AGBL1: variants seen among roughly 807,000 people sequenced by gnomAD.
AGBL1 encodes cytosolic carboxypeptidase 4.
Under a neutral mutation model 118.9 loss-of-function variants are expected in AGBL1, and 130 were observed. The observed-to-expected ratio is 1.09, with a 90% CI of 0.95 to 1.26. AGBL1 has a LOEUF of 1.26. Among genes scored for constraint, AGBL1 ranks in the 50% most tolerant of loss-of-function variants. The pLI, the probability that AGBL1 is intolerant of heterozygous loss-of-function variation, is 0.00. For missense variants in AGBL1, 1,584 were observed against 1,298.1 expected (o/e 1.22, Z -3.38); for synonymous variants, 555 against 478.9 (o/e 1.16, Z -2.08).
chr15:86,371,118 A>G (rs1460248503), intron 17 of AGBL1, among the ~76,000 whole-genome samples: 1 of 152,258 alleles, frequency 6.6e-6, no homozygotes, highest in Admixed American at 6.5e-5. Flanking sequence ...AGCACAGTCC[A>G]GTACAGACTT....
chr15:86,795,712 G>A (rs2078560598), intron 22 of AGBL1, among the ~76,000 whole-genome samples: 1 of 151,214 alleles, frequency 6.6e-6, no homozygotes, highest in South Asian at 2.1e-4. Context: ...AGCCTCCCGA[G>A]TAGCTGGGAA....
At chr15:86,320,976 T>C (rs2080096315) in intron 17 of AGBL1, among the ~76,000 whole-genome samples, 1 of 152,222 alleles carries the variant, frequency 6.6e-6, no homozygotes, top group Non-Finnish European at 1.5e-5. Context: ...TTATCTTTTT[T>C]ATACATTGCT....
At chr15:86,373,778 C>G (rs531931664) in intron 17 of AGBL1, among the ~76,000 whole-genome samples, 1 of 152,306 alleles carries the variant, frequency 6.6e-6, no homozygotes, top group African/African-American at 2.4e-5. Context: ...AGTTCTTGTG[C>G]TATTTACAAG....
At chr15:86,298,045 C>T (rs1329529517) in intron 17 of AGBL1, among the ~76,000 whole-genome samples, 3 of 151,426 alleles carry the variant, frequency 2.0e-5, no homozygotes, top group African/African-American at 7.3e-5. Flanking sequence ...CTTTCCTAAC[C>T]CAATGGAAGC....
At chr15:86,391,178 A>G (rs1432307071) in intron 17 of AGBL1, among the ~76,000 whole-genome samples, 1 of 152,130 alleles carries the variant, frequency 6.6e-6, no homozygotes, top group Non-Finnish European at 1.5e-5. Context: ...AAATTTATTG[A>G]CTTGTAACAT....
At chr15:87,013,554 T>C (rs1438591553) in intron 24 of AGBL1, among the ~76,000 whole-genome samples, 1 of 151,688 alleles carries the variant, frequency 6.6e-6, no homozygotes, top group Non-Finnish European at 1.5e-5. Context: ...TTTACAAGAC[T>C]CCTAAAGATT....
At chr15:86,627,810 G>A (rs762924040) in intron 21 of AGBL1, among the ~76,000 whole-genome samples, 16 of 152,290 alleles carry the variant, frequency 1.1e-4, no homozygotes, top group Middle Eastern at 3.4e-3. Flanking sequence ...GAAGGATTGA[G>A]ACAAAGCCTT....
At chr15:86,817,224 G>A (rs565005185) in intron 22 of AGBL1, among the ~76,000 whole-genome samples, 3 of 151,648 alleles carry the variant, frequency 2.0e-5, no homozygotes, top group Admixed American at 6.6e-5. Context: ...CTCAGAAGGC[G>A]GAGGTTGCAG....
chr15:86,628,969 A>G (rs1436473757), intron 21 of AGBL1, among the ~76,000 whole-genome samples: 1 of 152,138 alleles, frequency 6.6e-6, no homozygotes, highest in Non-Finnish European at 1.5e-5. Flanking sequence ...GTCACCTTAC[A>G]TCGTTAACTT....
At chr15:86,584,086 C>G (rs1014462958) in intron 21 of AGBL1, among the ~76,000 whole-genome samples, 1 of 151,920 alleles carries the variant, frequency 6.6e-6, no homozygotes, top group African/African-American at 2.4e-5. Flanking sequence ...GGATATTAGA[C>G]CTTTGTTGGA....
chr15:86,668,254 T>C (rs1263468398), intron 21 of AGBL1, among the ~76,000 whole-genome samples: 2 of 152,196 alleles, frequency 1.3e-5, no homozygotes, highest in Non-Finnish European at 2.9e-5. Flanking sequence ...ACCTTTGAGA[T>C]ATTGGAAAAC....
At chr15:86,802,512 G>A (rs988488648) in intron 22 of AGBL1, among the ~76,000 whole-genome samples, 3 of 152,072 alleles carry the variant, frequency 2.0e-5, no homozygotes, top group Non-Finnish European at 2.9e-5. Flanking sequence ...GCCCAATGCG[G>A]TAATATAATT....
chr15:86,141,444 G>T (rs1421159963), intron 1 of AGBL1, among the ~76,000 whole-genome samples: 1 of 152,172 alleles, frequency 6.6e-6, no homozygotes, highest in Admixed American at 6.5e-5. Context: ...GTGGTCAGGA[G>T]ATTGAGACCA....
At chr15:86,776,055 T>C (rs1049306557) in intron 22 of AGBL1, among the ~76,000 whole-genome samples, 3 of 152,156 alleles carry the variant, frequency 2.0e-5, no homozygotes, top group African/African-American at 7.2e-5. Context: ...GACAATCTGG[T>C]CTCTGATGAT....
chr15:86,984,978 A>G (rs148439640), intron 23 of AGBL1, among the ~76,000 whole-genome samples: 2,108 of 152,272 alleles, frequency 0.014, 18 homozygotes, highest in Non-Finnish European at 0.023. Context: ...TCGATTTATA[A>G]ATTGAAACAT....
intron 21 of AGBL1, among the ~76,000 whole-genome samples, chr15:86,622,290 A>G (rs1256494059): frequency 6.7e-6 from 1 of 148,730 alleles, no homozygotes; most frequent in Non-Finnish European, 1.5e-5. Context: ...AGATGGCACC[A>G]TTGCACTCCA....
In AGBL1 at chr15:86,143,717, A is replaced by T; in HGVS notation, c.134A>T (p.His45Leu). ...CCCTCAGGCACAGACCGGAGAATTC[A>T]CTACATGATCAGCAAGGGTGGCAGT... ...LLSVGTDRRIHYMISKGGSEA... is the reference protein window; with the variant it reads ...LLSVGTDRRILYMISKGGSEA... The change falls in exon 3 of 23, where the codon CAC becomes CTC. Residue 45 changes from histidine to leucine, a missense_variant. Coordinates refer to ENST00000614907, the MANE Select transcript of AGBL1 (RefSeq NM_001386094.1). 1 of 1,613,748 alleles carries T rather than the reference A, an allele frequency of 6.2e-7. No homozygotes were observed. Among genetic ancestry groups the T allele is most frequent in the South Asian group, 1.1e-5 (1 of 91,070 alleles).
At chr15:86,939,884 AT>A (rs1181380028) in intron 23 of AGBL1, 1 of 147,292 alleles carries the variant, frequency 6.8e-6, no homozygotes, top group African/African-American at 2.5e-5. Flanking sequence ...TTCTTTTTTT[AT>A]TTTATATATA....
intron 24 of AGBL1, among the ~76,000 whole-genome samples, chr15:87,022,926 A>G (rs1046143164): frequency 4.6e-5 from 7 of 152,072 alleles, no homozygotes; most frequent in Non-Finnish European, 1.0e-4. Flanking sequence ...ATTTACCACT[A>G]CCATGCCACC....
Sources: allele counts gnomAD v4.1 joint callset (sites outside exome capture counted in the v4.1 genomes callset), GRCh38; gene constraint gnomAD v4.1.1; transcripts MANE v1.5; gene names NCBI Gene and HGNC (gene_info 2026-07-23, HGNC 2026-07-21).